The following ZNF236 variants were observed in gnomAD, a reference collection of about 807,000 sequenced individuals.
ZNF236 encodes the protein regulated by glucose.
ZNF236 carries 50 observed loss-of-function variants against 191.2 expected under a neutral mutation model. That is an observed-to-expected ratio of 0.26 (90% CI 0.21 to 0.33). The LOEUF (loss-of-function observed/expected upper bound fraction) is 0.33. Among genes scored for constraint, ZNF236 ranks in the 10% least tolerant of loss-of-function variants. The pLI is 1.00. For synonymous variants in ZNF236, 907 were observed against 928.8 expected (o/e 0.98, Z 0.43); for missense variants, 1,754 against 2,374.5 (o/e 0.74, Z 5.43).
At chr18:76,910,588 AAACCTTTTCTTAGAACATTTTAATGT>A in intron 15 of ZNF236, 46 bp from the exon 16 acceptor site, 1 of 1,462,184 alleles carries the variant, frequency 6.8e-7, no homozygotes, top group Non-Finnish European at 9.3e-7. Context: ...TTAAATTTAT[AAACCTTTTCTTAGAACATTTTAATGT>A]AACTTTAATA....
At chr18:76,938,256 A>G (rs1222012065) in intron 26 of ZNF236, among the ~76,000 whole-genome samples, 1 of 151,950 alleles carries the variant, frequency 6.6e-6, no homozygotes, top group African/African-American at 2.4e-5. Flanking sequence ...CAGGCGTGGC[A>G]GTACACACCT....
intron 3 of ZNF236, among the ~76,000 whole-genome samples, chr18:76,857,599 T>C (rs996572689): frequency 6.6e-6 from 1 of 152,184 alleles, no homozygotes; most frequent in Non-Finnish European, 1.5e-5. Context: ...ATTTGGATAT[T>C]AACCAACTGT....
At chr18:76,849,221 T>G (rs1200435585) in intron 1 of ZNF236, 2 of 252,630 alleles carry the variant, frequency 7.9e-6, no homozygotes, top group African/African-American at 2.3e-5. Context: ...GAAGCATCAT[T>G]ATGGCTTTTG....
chr18:76,905,107 A>G lies in ZNF236; in HGVS notation c.2037-48A>G, dbSNP rs753110647. ...GAGTGCATTCTAGTCACAAAGCATT[A>G]TAAAAGTATAAGAAACATATTCATT... On this transcript the variant is annotated intron_variant, in intron 12 of 30. Transcript: ENST00000320610. 4 of 1,538,498 alleles carry G rather than the reference A, an allele frequency of 2.6e-6. No homozygotes were observed. The East Asian group carries it at 9.2e-5, about 35-fold the overall frequency.
chr18:76,841,762 C>T (rs144503878), intron 1 of ZNF236, among the ~76,000 whole-genome samples: 4,105 of 148,322 alleles, frequency 0.028, 58 homozygotes, highest in African/African-American at 0.044. Flanking sequence ...GGCACGATCT[C>T]GGCTCACTGC....
intron 3 of ZNF236, among the ~76,000 whole-genome samples, chr18:76,861,108 G>C (rs370926439): frequency 6.6e-6 from 1 of 152,154 alleles, no homozygotes; most frequent in African/African-American, 2.4e-5. Flanking sequence ...AGGGGAAAAA[G>C]GCCTCATTGT....
chr18:76,936,284 G>A (rs149054209), intron 25 of ZNF236: 73 of 455,508 alleles, frequency 1.6e-4, no homozygotes, highest in African/African-American at 1.3e-3. Context: ...CAAATGAATG[G>A]ATGGCTCGAC....
At chr18:76,924,641 A>G (rs1967626660) in intron 21 of ZNF236, among the ~76,000 whole-genome samples, 1 of 152,208 alleles carries the variant, frequency 6.6e-6, no homozygotes, top group Non-Finnish European at 1.5e-5. Flanking sequence ...ATACCCAGTA[A>G]TCATGAAAAG....
intron 19 of ZNF236, among the ~76,000 whole-genome samples, chr18:76,918,752 G>A (rs1967449237): frequency 6.6e-6 from 1 of 152,112 alleles, no homozygotes; most frequent in South Asian, 2.1e-4. Context: ...ATGGACTCTT[G>A]CTGTGTGGCC....
Position 76,823,355 on chromosome 18 carries a change from T to C in ZNF236, c.55+693T>C, listed in dbSNP as rs189719700. On this transcript the variant is annotated intron_variant, in intron 1 of 30. Coordinates refer to ENST00000320610, the MANE Select transcript of ZNF236 (RefSeq NM_001306089.2). The stretch of plus-strand genomic sequence containing the variant: ...CCTGAGCCTCTGCAGACGCTGTGGG[T>C]AGTGCATACAGTAGGCGCCATTGTG... 2.9e-3 allele frequency among the ~76,000 whole-genome samples: 430 copies of C among 149,438 alleles called. 1 individual carries two copies. Among genetic ancestry groups the C allele is most frequent in the Non-Finnish European group, 4.8e-3 (323 of 67,466 alleles).
At chr18:76,948,813 C>CT (rs1968334760) in intron 27 of ZNF236, among the ~76,000 whole-genome samples, 1 of 152,232 alleles carries the variant, frequency 6.6e-6, no homozygotes. Flanking sequence ...CTCCAGGCCC[C>CT]TGCCCCTCCA....
At chr18:76,851,151 A>G (rs1047171617) in intron 2 of ZNF236, among the ~76,000 whole-genome samples, 5 of 143,328 alleles carry the variant, frequency 3.5e-5, no homozygotes, top group South Asian at 2.3e-4. Flanking sequence ...TTCTTTCTCT[A>G]TGTGTTCATT....
chr18:76,956,681 C>T lies in ZNF236; in HGVS notation c.5112+499C>T, dbSNP rs1968533241. 2.6e-5 allele frequency among the ~76,000 whole-genome samples: 4 copies of T among 152,242 alleles called. No homozygotes were observed. In the South Asian group the frequency reaches 8.3e-4, roughly 31 times the overall value. On this transcript the variant is annotated intron_variant, in intron 28 of 30. Coordinates refer to ENST00000320610, the MANE Select transcript of ZNF236 (RefSeq NM_001306089.2). ...CCACTGCAGCAGAGCCATCATTGCA[C>T]AGTGGAGACCTGAGTGCCCGCATGT...
At chr18:76,879,254 T>C (rs1190425685) in intron 7 of ZNF236, among the ~76,000 whole-genome samples, 1 of 152,206 alleles carries the variant, frequency 6.6e-6, no homozygotes, top group Non-Finnish European at 1.5e-5. Flanking sequence ...TTTAGAAACC[T>C]GGAATCTCCC....
intron 1 of ZNF236, among the ~76,000 whole-genome samples, chr18:76,828,912 C>T (rs1012753201): frequency 2.0e-5 from 3 of 152,024 alleles, no homozygotes; most frequent in African/African-American, 7.2e-5. Context: ...GCAATCTGCC[C>T]CGCTTGGCCT....
Position 76,937,361 on chromosome 18 carries a change from A to G in ZNF236, c.4782+18A>G, listed in dbSNP as rs1418418808. On this transcript the variant is annotated intron_variant, in intron 26 of 30. Coordinates refer to ENST00000320610, the MANE Select transcript of ZNF236 (RefSeq NM_001306089.2). ...CCTCTCAGGCAAGTGCTCCTCAGAG[A>G]GGGATGCGAAGGTCCTTTCAAAAAG... 3.2e-6 allele frequency: 5 copies of G among 1,562,078 alleles called. No homozygotes were observed. Among genetic ancestry groups the G allele is most frequent in the Non-Finnish European group, 4.4e-6 (5 of 1,143,820 alleles).
chr18:76,865,418 A>T (rs551109408), intron 3 of ZNF236, among the ~76,000 whole-genome samples: 1 of 152,202 alleles, frequency 6.6e-6, no homozygotes, highest in African/African-American at 2.4e-5. Context: ...TACTCCAAAC[A>T]TAAAATGGCC....
chr18:76,831,352 A>T (rs1975164041), intron 1 of ZNF236, among the ~76,000 whole-genome samples: 1 of 152,152 alleles, frequency 6.6e-6, no homozygotes, highest in African/African-American at 2.4e-5. Flanking sequence ...GCATTCCTCC[A>T]TGTCTTTTCA....
chr18:76,891,492 C>T (rs1297588466), intron 9 of ZNF236, among the ~76,000 whole-genome samples: 1 of 152,138 alleles, frequency 6.6e-6, no homozygotes, highest in African/African-American at 2.4e-5. Context: ...ACTGCTTCAG[C>T]CTCCTCAGTA....
Sources: gnomAD v4.1 joint callset for allele counts (sites outside exome capture counted in the v4.1 genomes callset) on GRCh38, gnomAD v4.1.1 for gene constraint, MANE v1.5 for transcripts, NCBI Gene and HGNC (gene_info 2026-07-23, HGNC 2026-07-21) for gene names.